The following SLCO1B1 variants were observed in gnomAD, a reference collection of about 807,000 sequenced individuals.
The protein encoded by SLCO1B1 is solute carrier organic anion transporter family member 1B1, also known as OATP-2.
In SLCO1B1, 81 loss-of-function variants were observed where a neutral mutation model predicts 70.1. The ratio of observed to expected loss-of-function variants is 1.16; its 90% CI spans 0.97 to 1.39. SLCO1B1 has a LOEUF of 1.39. Among genes scored for constraint, SLCO1B1 ranks in the 40% most tolerant of loss-of-function variants. The pLI, the probability that SLCO1B1 is intolerant of heterozygous loss-of-function variation, is 0.00. For synonymous variants in SLCO1B1, 283 were observed against 271.5 expected, an observed-to-expected ratio of 1.04 and a Z score of -0.42; for missense variants, 895 against 799.6, an observed-to-expected ratio of 1.12 and a Z score of -1.44.
At chr12:21,180,828 G>A (rs1940886274) in intron 7 of SLCO1B1, among the ~76,000 whole-genome samples, 1 of 152,044 alleles carries the variant, frequency 6.6e-6, no homozygotes, top group Non-Finnish European at 1.5e-5. Flanking sequence ...ATGTCCTTAG[G>A]TTAATTATTT....
chr12:21,221,579 A>C (rs1012390956), intron 12 of SLCO1B1, among the ~76,000 whole-genome samples: 5 of 152,144 alleles, frequency 3.3e-5, no homozygotes, highest in Non-Finnish European at 7.4e-5. Flanking sequence ...CAAGAAAAAA[A>C]TTATTAAAAA....
rs940675187 is a variant in SLCO1B1, at chr12:21,227,072, C to A, written c.1865+2233C>A. The stretch of plus-strand genomic sequence containing the variant: ...TACAGAACTTTGAGCCAGCAGCAAA[C>A]TTCTAGAAATTTATCCTACAGATAA... On this transcript the variant is annotated intron_variant, in intron 14 of 14. Transcript: ENST00000256958. Among the ~76,000 whole-genome samples the A allele has an allele frequency of 1.5e-4, 23 of 152,168 alleles. No individual in the cohort carries two copies. The East Asian group carries it at 3.1e-3, about 20-fold the overall frequency.
At chr12:21,172,529 T>C (rs766093517) in intron 2 of SLCO1B1, 121 bp from the exon 3 acceptor site, 16 of 1,158,808 alleles carry the variant, frequency 1.4e-5, no homozygotes, top group Non-Finnish European at 1.9e-5. Flanking sequence ...CTAAGTATGG[T>C]TTTTAAGATA....
chr12:21,178,672 T>C lies in SLCO1B1; in HGVS notation c.578T>C (p.Leu193Pro). Residue 193 changes from leucine to proline, a missense_variant, in exon 6 of 15, where the codon CTT becomes CCT. Physicochemically the swap from Leu to Pro is moderately conservative, Grantham distance 98. Coordinates refer to ENST00000256958, the MANE Select transcript of SLCO1B1 (RefSeq NM_006446.5). ...GAGACTCCCATAGTACCATTGGGGCTTTCTTACATTGATGATTTCGCTAAA... is the reference window on the plus strand; with the variant it reads ...GAGACTCCCATAGTACCATTGGGGCCTTCTTACATTGATGATTTCGCTAAA... ...IGETPIVPLG[L>P]SYIDDFAKEG... 1 of 1,607,214 alleles carries C rather than the reference T, an allele frequency of 6.2e-7. No homozygotes were observed. Among genetic ancestry groups the C allele is most frequent in the Non-Finnish European group, 8.5e-7 (1 of 1,173,686 alleles).
intron 2 of SLCO1B1, among the ~76,000 whole-genome samples, chr12:21,153,956 A>G (rs562601365): frequency 6.6e-6 from 1 of 152,044 alleles, no homozygotes; most frequent in African/African-American, 2.4e-5. Flanking sequence ...AAAAGCACAG[A>G]GGTAAATTTT....
At chr12:21,159,102 AG>A (rs1156976441) in intron 2 of SLCO1B1, among the ~76,000 whole-genome samples, 1 of 152,194 alleles carries the variant, frequency 6.6e-6, no homozygotes, top group Non-Finnish European at 1.5e-5. Context: ...GAATTACAAA[AG>A]TCCCTCTGTG....
In SLCO1B1 at chr12:21,215,149, C is replaced by A. The variant is rs868334612; in HGVS notation, c.1498-1970C>A. Among the ~76,000 whole-genome samples, 8 of 152,272 alleles carry A rather than the reference C, an allele frequency of 5.3e-5. 1 individual carries two copies. Among genetic ancestry groups the A allele is most frequent in the South Asian group, 2.1e-4 (1 of 4,822 alleles). On this transcript the variant is annotated intron_variant, in intron 11 of 14. Transcript: ENST00000256958. ...GCAGAGAGATAATGTGAGTTCATTTCCTATTTGTCAGTGTTTTATTTCTGT... is the reference window on the plus strand; with the variant it reads ...GCAGAGAGATAATGTGAGTTCATTTACTATTTGTCAGTGTTTTATTTCTGT...
intron 2 of SLCO1B1, among the ~76,000 whole-genome samples, chr12:21,145,464 A>AT (rs1421654957): frequency 1.5e-5 from 1 of 68,468 alleles, no homozygotes. Flanking sequence ...TTCACCCAGC[A>AT]TTTTTTTCAT....
intron 5 of SLCO1B1, 81 bp downstream of exon 5, chr12:21,176,978 T>C: frequency 9.5e-7 from 1 of 1,053,056 alleles, no homozygotes; most frequent in East Asian, 2.4e-5. Context: ...GTGATATTCA[T>C]TAGCAAAATT....
intron 1 of SLCO1B1, 82 bp from the exon 2 acceptor site, chr12:21,141,432 T>A: frequency 3.6e-6 from 2 of 550,642 alleles, no homozygotes; most frequent in Admixed American, 2.5e-5. Flanking sequence ...GTTGATTGAT[T>A]GATGATGATC....
chr12:21,164,906 G>T, intron 2 of SLCO1B1: 1 of 443,602 alleles, frequency 2.3e-6, no homozygotes, highest in South Asian at 1.6e-5. Flanking sequence ...TGTCATTATT[G>T]GTTTATTGCT....
At chr12:21,149,473 G>A (rs568257326) in intron 2 of SLCO1B1, among the ~76,000 whole-genome samples, 15 of 152,098 alleles carry the variant, frequency 9.9e-5, no homozygotes, top group Non-Finnish European at 2.2e-4. Context: ...GCAGAAGGTG[G>A]GTGATTTCTG....
At chr12:21,200,920 A>G (rs956529040) in intron 9 of SLCO1B1, among the ~76,000 whole-genome samples, 2 of 152,130 alleles carry the variant, frequency 1.3e-5, no homozygotes, top group Admixed American at 6.6e-5. Flanking sequence ...TGGACAATTT[A>G]GAGGTAGTAT....
chr12:21,137,213 C>T lies in SLCO1B1; in HGVS notation c.-61-4301C>T, dbSNP rs528742936. Among the ~76,000 whole-genome samples, 7 of 152,176 alleles carry T rather than the reference C, an allele frequency of 4.6e-5. No homozygotes were observed. The East Asian group carries it at 5.8e-4, about 13-fold the overall frequency. On this transcript the variant is annotated intron_variant, in intron 1 of 14. Coordinates refer to ENST00000256958, the MANE Select transcript of SLCO1B1 (RefSeq NM_006446.5). ...GGAAGTTTTGTCTCAGAGGAGTACC[C>T]GACCGTGTGAGGTGTCAGTCCGCCC... is the stretch of plus-strand genomic sequence containing the variant.
At chr12:21,204,323 G>T (rs1182541295) in intron 10 of SLCO1B1, among the ~76,000 whole-genome samples, 1 of 151,610 alleles carries the variant, frequency 6.6e-6, no homozygotes, top group Non-Finnish European at 1.5e-5. Flanking sequence ...AATGCTCCAA[G>T]GTATGTTATT....
intron 2 of SLCO1B1, among the ~76,000 whole-genome samples, chr12:21,153,521 T>C (rs1940500734): frequency 6.6e-6 from 1 of 152,104 alleles, no homozygotes; most frequent in South Asian, 2.1e-4. Flanking sequence ...TTTGTAAGTC[T>C]CCCTGATGTA....
In SLCO1B1 at chr12:21,202,590, G is replaced by A. The variant is rs765402404; in HGVS notation, c.1235G>A (p.Cys412Tyr). 1 of 1,612,398 alleles carries A rather than the reference G, an allele frequency of 6.2e-7. No homozygotes were observed. ...LNTVGIAKFS[C>Y]FTAVMSLSFY... ...ACCGTTGGAATTGCCAAATTCTCATGTTTTACTGCTGTGATGTCATTGTCC... is the reference window on the plus strand; with the variant it reads ...ACCGTTGGAATTGCCAAATTCTCATATTTTACTGCTGTGATGTCATTGTCC... The change falls in exon 10 of 15, where the codon TGT becomes TAT. Residue 412 changes from cysteine to tyrosine, a missense_variant. Coordinates refer to ENST00000256958, the MANE Select transcript of SLCO1B1 (RefSeq NM_006446.5).
Position 21,141,494 on chromosome 12 carries a change from T to C in SLCO1B1, c.-61-20T>C, listed in dbSNP as rs779656339. On this transcript the variant is annotated intron_variant, in intron 1 of 14. Coordinates refer to ENST00000256958, the MANE Select transcript of SLCO1B1 (RefSeq NM_006446.5). ...TATATTGTAAAAATAAAATAAACTA[T>C]ACTTTTTCTTCCTTAATAGGTGATT... The C allele has an allele frequency of 5.0e-6, 4 of 792,240 alleles. No homozygotes were observed. The East Asian group carries it at 7.9e-5, about 16-fold the overall frequency. The allele number at this position is 792,240 out of a possible 1,614,324, so 49.1% of individuals were successfully genotyped here.
At chr12:21,140,137 C>T (rs982721978) in intron 1 of SLCO1B1, among the ~76,000 whole-genome samples, 5 of 152,048 alleles carry the variant, frequency 3.3e-5, no homozygotes, top group African/African-American at 1.2e-4. Context: ...AACCCCACAT[C>T]TCTCCAAGGA....
Sources: allele counts gnomAD v4.1 joint callset (sites outside exome capture counted in the v4.1 genomes callset), GRCh38; gene constraint gnomAD v4.1.1; transcripts MANE v1.5; gene names NCBI Gene and HGNC (gene_info 2026-07-23, HGNC 2026-07-21).